PRH1: variants seen among roughly 807,000 people sequenced by gnomAD.
PRH1 encodes proline rich protein HaeIII subfamily 1.
A neutral mutation model predicts 7.9 loss-of-function variants in PRH1; 7 were observed. The ratio of observed to expected loss-of-function variants is 0.89; its 90% confidence interval spans 0.50 to 1.67. The LOEUF (loss-of-function observed/expected upper bound fraction) is 1.67. Among genes scored for constraint, PRH1 ranks in the 40% most tolerant of loss-of-function variants. PRH1 has a pLI of 0.00. For missense variants in PRH1, 109 were observed against 223.6 expected (o/e 0.49, Z 3.27); for synonymous variants, 45 against 80.8 (o/e 0.56, Z 2.38).
intron 1 of PRH1, among the ~76,000 whole-genome samples, chr12:11,046,704 C>T (rs1942912457): frequency 6.6e-6 from 1 of 152,070 alleles, no homozygotes; most frequent in Non-Finnish European, 1.5e-5. Context: ...TAAAAAGTAT[C>T]TGTGGGAGGC....
intron 1 of PRH1, among the ~76,000 whole-genome samples, chr12:11,167,231 T>C (rs1180320207): frequency 6.6e-6 from 1 of 152,156 alleles, no homozygotes; most frequent in Non-Finnish European, 1.5e-5. Context: ...AAGCATTCGG[T>C]AGAAGCCCAA....
chr12:11,075,453 T>C (rs1228463911), intron 1 of PRH1, among the ~76,000 whole-genome samples: 1 of 111,782 alleles, frequency 8.9e-6, no homozygotes, highest in Non-Finnish European at 2.1e-5. Flanking sequence ...GCATAAGTCA[T>C]ACTGAGGGAG....
At chr12:10,895,513 T>C (rs530424317) in intron 2 of PRH1, 2 of 152,248 alleles carry the variant, frequency 1.3e-5, no homozygotes, top group Admixed American at 6.5e-5. Flanking sequence ...GAATTTTCCA[T>C]TTCATCCAGA....
chr12:11,104,181 T>TAAAAAAAAAAAAAAAAAAAAAAAGAA (rs760838136), intron 1 of PRH1, among the ~76,000 whole-genome samples: 1 of 49,590 alleles, frequency 2.0e-5, no homozygotes, highest in African/African-American at 8.4e-5. Context: ...AATGAAAGAG[T>TAAAAAAAAAAAAAAAAAAAAAAAGAA]AAAAAAAAAA....
chr12:11,158,574 T>G (rs930187680), intron 1 of PRH1, among the ~76,000 whole-genome samples: 1 of 152,196 alleles, frequency 6.6e-6, no homozygotes, highest in Non-Finnish European at 1.5e-5. Flanking sequence ...CAGGCATTAT[T>G]ATAGTAGAGA....
At chr12:10,998,813 G>A (rs1357002452) in intron 1 of PRH1, among the ~76,000 whole-genome samples, 1 of 152,090 alleles carries the variant, frequency 6.6e-6, no homozygotes, top group Non-Finnish European at 1.5e-5. Flanking sequence ...TGACAACCTT[G>A]CACTAGGGCT....
At chr12:10,990,629 T>TC (rs1263142014) in intron 1 of PRH1, among the ~76,000 whole-genome samples, 6 of 152,216 alleles carry the variant, frequency 3.9e-5, no homozygotes, top group Non-Finnish European at 8.8e-5. Context: ...ATTTGCATCT[T>TC]CATAGGCTCT....
intron 2 of PRH1, among the ~76,000 whole-genome samples, chr12:10,900,190 A>G (rs937358470): frequency 6.6e-6 from 1 of 152,174 alleles, no homozygotes; most frequent in Non-Finnish European, 1.5e-5. Context: ...TGAGAGAGGC[A>G]GAGAGCCTCC....
At chr12:10,924,094 TCTC>T (rs1950091730) in intron 2 of PRH1, among the ~76,000 whole-genome samples, 1 of 146,696 alleles carries the variant, frequency 6.8e-6, no homozygotes, top group Non-Finnish European at 1.5e-5. Context: ...TTCACGCCAT[TCTC>T]CTGCCTCAGC....
intron 2 of PRH1, among the ~76,000 whole-genome samples, chr12:10,935,741 T>TAA (rs1950277900): frequency 1.3e-5 from 2 of 152,304 alleles, no homozygotes; most frequent in South Asian, 4.1e-4. Context: ...AATATATTCT[T>TAA]ATTTCTTCAA....
chr12:10,950,221 A>G (rs1200317051), intron 2 of PRH1, among the ~76,000 whole-genome samples: 1 of 152,038 alleles, frequency 6.6e-6, no homozygotes, highest in African/African-American at 2.4e-5. Flanking sequence ...CACTTTTTTC[A>G]TATGTATTCC....
At chr12:10,990,138 G>A (rs938849890) in intron 1 of PRH1, among the ~76,000 whole-genome samples, 10 of 152,256 alleles carry the variant, frequency 6.6e-5, no homozygotes, top group East Asian at 5.8e-4. Flanking sequence ...ATAGAGCAGC[G>A]AAATAGAATA....
At chr12:10,934,237 T>C (rs1052212032) in intron 2 of PRH1, among the ~76,000 whole-genome samples, 4 of 152,182 alleles carry the variant, frequency 2.6e-5, no homozygotes, top group African/African-American at 9.6e-5. Context: ...CCCCTAGTGA[T>C]GTATTCTCTT....
chr12:11,157,901 A>G (rs936220699), intron 1 of PRH1, among the ~76,000 whole-genome samples: 1 of 152,204 alleles, frequency 6.6e-6, no homozygotes, highest in African/African-American at 2.4e-5. Context: ...ACCTCACTCT[A>G]ATTTCCTGAA....
At chr12:10,894,703 T>A (rs924942243) in intron 2 of PRH1, among the ~76,000 whole-genome samples, 3 of 152,286 alleles carry the variant, frequency 2.0e-5, no homozygotes, top group Middle Eastern at 3.4e-3. Flanking sequence ...CAGTGCCTAA[T>A]GAAAAATGCA....
chr12:10,986,813 T>C, intron 1 of PRH1: 1 of 1,565,900 alleles, frequency 6.4e-7, no homozygotes, highest in Non-Finnish European at 8.6e-7. Context: ...CGAGAACAAA[T>C]AAAACCATTA....
intron 2 of PRH1, among the ~76,000 whole-genome samples, chr12:10,920,428 C>A (rs2135846248): frequency 6.6e-6 from 1 of 152,160 alleles, no homozygotes; most frequent in African/African-American, 2.4e-5. Context: ...AAATCCTTCA[C>A]TAAAGTATTA....
At chr12:10,901,418 C>T (rs1341126318) in intron 2 of PRH1, among the ~76,000 whole-genome samples, 2 of 152,180 alleles carry the variant, frequency 1.3e-5, no homozygotes, top group African/African-American at 4.8e-5. Flanking sequence ...ACTCTGGTCA[C>T]TTGGTAGCCA....
intron 1 of PRH1, chr12:11,061,875 C>A (rs1943620860): frequency 6.2e-7 from 1 of 1,613,936 alleles, no homozygotes. Flanking sequence ...GATGACAAAC[C>A]AAAAATAGCA....
Sources: gnomAD v4.1 joint callset for allele counts (sites outside exome capture counted in the v4.1 genomes callset) on GRCh38, gnomAD v4.1.1 for gene constraint, MANE v1.5 for transcripts, NCBI Gene and HGNC (gene_info 2026-07-23, HGNC 2026-07-21) for gene names.